RNF213: variants seen among roughly 807,000 people sequenced by gnomAD.
RNF213 encodes the protein ring finger protein 213, also known as E3 ubiquitin-protein ligase RNF213.
Under a neutral mutation model 514.4 loss-of-function variants are expected in RNF213, and 341 were observed. That is an observed-to-expected ratio of 0.66 (90% CI 0.61 to 0.73). RNF213 has a LOEUF of 0.73. Among genes scored for constraint, RNF213 ranks in the 30% least tolerant of loss-of-function variants. The probability of loss-of-function intolerance (pLI) is 0.00; values close to 1 mark genes in which losing one functional copy is unlikely to be tolerated. For missense variants in RNF213, 5,767 were observed against 6,615.6 expected (o/e 0.87, Z 4.45); for synonymous variants, 2,655 against 2,658.2 (o/e 1.00, Z 0.04).
At chr17:80,366,456 TGG>T (rs1481625321) in intron 42 of RNF213, among the ~76,000 whole-genome samples, 3 of 152,224 alleles carry the variant, frequency 2.0e-5, no homozygotes, top group African/African-American at 7.2e-5. Context: ...TAATTCATTG[TGG>T]TTTTTATTTG....
At position 80,269,412 on chromosome 17, in the gene RNF213, C is replaced by CTATCTATCT. The variant is rs1567990690; in HGVS notation, c.98-3829_98-3828insTATCTATCT. On this transcript the variant is annotated intron_variant, in intron 2 of 67. Coordinates refer to ENST00000582970, the MANE Select transcript of RNF213 (RefSeq NM_001256071.3). ...CTATCCATCTGTCCTATCATCTATC[C>CTATCTATCT]ATCCATCCATCCATTCATCTATTCT... Among the ~76,000 whole-genome samples, 32 of 150,278 alleles carry CTATCTATCT rather than the reference C, an allele frequency of 2.1e-4. 2 individuals carry two copies. The highest frequency in any genetic ancestry group is 8.5e-4 in the South Asian group (4 of 4,690).
At chr17:80,324,909 CT>C in intron 17 of RNF213, 120 bp from the exon 18 acceptor site, 1 of 1,014,756 alleles carries the variant, frequency 9.9e-7, no homozygotes, top group Non-Finnish European at 1.4e-6. Flanking sequence ...TTTTTGTGGC[CT>C]TATAAAACAA....
Position 80,368,116 on chromosome 17 carries a change from T to C in RNF213, c.12128T>C (p.Phe4043Ser), listed in dbSNP as rs770465314. The change falls in exon 44 of 68, where the codon TTC becomes TCC. Residue 4043 changes from phenylalanine to serine, a missense_variant. By Grantham distance (155) the Phe-to-Ser change is radical. Transcript: ENST00000582970. ...TGTTTAACTGCCTTGCCAGACGAAT[T>C]CTCTCCAGCTGTTTCCCAAGCGCAC... The part of the protein sequence containing the change: ...PYCLTALPDE[F>S]SPAVSQAHRE... The C allele has an allele frequency of 1.2e-6, 2 of 1,614,206 alleles. No homozygotes were observed. The highest frequency in any genetic ancestry group is 1.7e-6 in the Non-Finnish European group (2 of 1,180,018).
At chr17:80,319,526 A>C (rs2046067370) in intron 17 of RNF213, 2 of 1,612,750 alleles carry the variant, frequency 1.2e-6, no homozygotes, top group African/African-American at 2.7e-5. Flanking sequence ...TGCTGCTCGC[A>C]CCATCCTGCA....
intron 2 of RNF213, among the ~76,000 whole-genome samples, chr17:80,272,423 C>T (rs559573658): frequency 6.6e-6 from 1 of 152,324 alleles, no homozygotes; most frequent in South Asian, 2.1e-4. Flanking sequence ...AGTAGGCCGA[C>T]GGGGATGCTG....
chr17:80,319,930 G>A (rs1282821808), intron 17 of RNF213: 31 of 1,037,056 alleles, frequency 3.0e-5, no homozygotes, highest in Non-Finnish European at 3.3e-5. Context: ...AAACATTGAG[G>A]TCATTGAATT....
rs538158296 is a variant in RNF213 at position 80,372,026 on chromosome 17, A to G, written c.12537+41A>G. ...CTTCCCTGAATTTCTTTTGGAAACT[A>G]TCTGAACCACATGGTTTAAAATTTA... On this transcript the variant is annotated intron_variant, in intron 47 of 67. Transcript: ENST00000582970. 6.1e-5 allele frequency: 63 copies of G among 1,026,772 alleles called. No individual in the cohort carries two copies. The South Asian group carries it at 6.8e-4, about 11-fold the overall frequency. 63.6% of individuals were successfully genotyped at this position (1,026,772 alleles called of 1,614,324 possible).
In RNF213 at chr17:80,325,105, A is replaced by T; in HGVS notation, c.3100A>T (p.Thr1034Ser). 1 of 1,537,118 alleles carries T rather than the reference A, an allele frequency of 6.5e-7. No homozygotes were observed. The highest frequency in any genetic ancestry group is 8.7e-7 in the Non-Finnish European group (1 of 1,146,880). ...TGGCATCGTCTTGTCTGCTGTGATC[A>T]CTAAGTCCTGGCCTAGGACCGCGGA... Reference protein sequence around the residue: ...KFGIVLSAVITKSWPRTADNF... With the variant: ...KFGIVLSAVISKSWPRTADNF... The change falls in exon 18 of 68, where the codon ACT becomes TCT. Residue 1034 changes from threonine to serine, a missense_variant. Thr to Ser is a moderately conservative substitution (Grantham distance 58, BLOSUM62 1). Transcript: ENST00000582970.
intron 14 of RNF213, among the ~76,000 whole-genome samples, chr17:80,310,702 G>A (rs1163821970): frequency 6.6e-6 from 1 of 152,084 alleles, no homozygotes; most frequent in Admixed American, 6.5e-5. Flanking sequence ...ACAGGCATGT[G>A]CCACTAAACC....
intron 3 of RNF213, among the ~76,000 whole-genome samples, chr17:80,273,820 A>G (rs1224031641): frequency 1.3e-5 from 2 of 151,728 alleles, no homozygotes; most frequent in Non-Finnish European, 1.5e-5. Context: ...GGGTTTCACC[A>G]TGTTGGTCAG....
chr17:80,287,380 A>G lies in RNF213; in HGVS notation c.262-435A>G, dbSNP rs147869268. On this transcript the variant is annotated intron_variant, in intron 3 of 67. Coordinates refer to ENST00000582970, the MANE Select transcript of RNF213 (RefSeq NM_001256071.3). ...TAGCTGGGCGTAGTGATGCTCACCT[A>G]TAGTCTCAGCTACTCAAGAGGTTGA... Among the ~76,000 whole-genome samples, 687 of 152,346 alleles carry G rather than the reference A, an allele frequency of 4.5e-3. 8 individuals are homozygous for G. Among genetic ancestry groups the G allele is most frequent in the African/African-American group, 0.016 (661 of 41,588 alleles).
intron 67 of RNF213, among the ~76,000 whole-genome samples, chr17:80,393,030 T>G (rs1395668807): frequency 2.6e-5 from 4 of 151,866 alleles, no homozygotes; most frequent in Non-Finnish European, 5.9e-5. Context: ...CAGGCTGGAG[T>G]GCAGTTGTGC....
intron 35 of RNF213, 80 bp from the exon 36 acceptor site, chr17:80,354,361 G>A: frequency 6.2e-7 from 1 of 1,604,490 alleles, no homozygotes. Flanking sequence ...TTCCCTTCCT[G>A]GGGGAGGTGG....
chr17:80,286,822 C>G (rs2044488976), intron 3 of RNF213, among the ~76,000 whole-genome samples: 1 of 152,000 alleles, frequency 6.6e-6, no homozygotes, highest in African/African-American at 2.4e-5. Flanking sequence ...TGAGTACTGC[C>G]CCCTGGGAGA....
Position 80,319,184 on chromosome 17 carries a change from T to C in RNF213, c.2902-6T>C. The C allele has an allele frequency of 1.2e-6, 2 of 1,614,166 alleles. No individual in the cohort carries two copies. Among genetic ancestry groups the C allele is most frequent in the Non-Finnish European group, 1.7e-6 (2 of 1,180,032 alleles). ...CTCTGAAACCACCCCCCTTTGATTT[T>C]TGCAGGAGGAACCCCTCTCCCAGAT... is the stretch of plus-strand genomic sequence containing the variant. On this transcript the variant is annotated splice_region_variant and splice_polypyrimidine_tract_variant and intron_variant, in intron 16 of 67. Coordinates refer to ENST00000582970, the MANE Select transcript of RNF213 (RefSeq NM_001256071.3).
At chr17:80,289,608 A>AT (rs71163947) in intron 5 of RNF213, 51 bp from the exon 6 acceptor site, 2 of 1,570,010 alleles carry the variant, frequency 1.3e-6, no homozygotes, top group Non-Finnish European at 1.7e-6. Context: ...AAAAAAAAAA[A>AT]GAAAATGTGG....
chr17:80,313,179 G>A lies in RNF213; in HGVS notation c.2811+12G>A. On this transcript the variant is annotated intron_variant, in intron 15 of 67. Coordinates refer to ENST00000582970, the MANE Select transcript of RNF213 (RefSeq NM_001256071.3). ...TCAAGGAAATTGAGGTAGGCATTTG[G>A]CCGAAGGCTTCTGGGTAGGGATGTG... The A allele has an allele frequency of 1.2e-6, 2 of 1,614,012 alleles. No homozygotes were observed. The highest frequency in any genetic ancestry group is 1.1e-5 in the South Asian group (1 of 91,084).
At chr17:80,364,704 CCATTA>C (rs2079191502) in intron 42 of RNF213, 151 bp downstream of exon 42, 1 of 845,514 alleles carries the variant, frequency 1.2e-6, no homozygotes, top group Non-Finnish European at 1.9e-6. Flanking sequence ...CATCACTAGG[CCATTA>C]CATTTTCCAT....
intron 31 of RNF213, 108 bp downstream of exon 31, chr17:80,350,504 A>T: frequency 1.4e-6 from 1 of 725,252 alleles, no homozygotes; most frequent in South Asian, 1.5e-5. Context: ...CAGTATAGAA[A>T]TAAAAATAAC....
Sources: allele counts gnomAD v4.1 joint callset (sites outside exome capture counted in the v4.1 genomes callset), GRCh38; gene constraint gnomAD v4.1.1; transcripts MANE v1.5; gene names NCBI Gene and HGNC (gene_info 2026-07-23, HGNC 2026-07-21).